Variants in PTTG1IP observed in about 807,000 individuals in gnomAD.
The protein encoded by PTTG1IP is PTTG1 interacting protein, also known as pituitary tumor-transforming gene 1 protein-interacting protein.
PTTG1IP carries 16 observed loss-of-function variants against 24.4 expected under a neutral mutation model. The observed-to-expected ratio is 0.66, with a 90% CI of 0.44 to 1.00. PTTG1IP has a LOEUF of 1.00. PTTG1IP is among the 50% of genes least tolerant of loss of function. PTTG1IP has a pLI of 0.00. For missense variants in PTTG1IP, 241 were observed against 245.8 expected (o/e 0.98, Z 0.13); for synonymous variants, 89 against 96.8 (o/e 0.92, Z 0.47).
intron 5 of PTTG1IP, among the ~76,000 whole-genome samples, chr21:44,853,886 C>A (rs1156764355): frequency 6.6e-6 from 1 of 152,236 alleles, no homozygotes; most frequent in Non-Finnish European, 1.5e-5. Context: ...GCAGCCAAGG[C>A]AGCCTCACGC....
chr21:44,859,420 C>T (rs1266956932), intron 3 of PTTG1IP, among the ~76,000 whole-genome samples: 2 of 151,380 alleles, frequency 1.3e-5, no homozygotes, highest in Admixed American at 6.6e-5. Flanking sequence ...AGGCTATAAG[C>T]CGCGGTCCAT....
intron 2 of PTTG1IP, among the ~76,000 whole-genome samples, chr21:44,862,378 G>C (rs943016960): frequency 6.6e-6 from 1 of 152,204 alleles, no homozygotes. Flanking sequence ...AATAAGCCGG[G>C]CGTGGTGGCA....
At chr21:44,861,392 C>A in intron 2 of PTTG1IP, 121 bp from the exon 3 acceptor site, 1 of 813,838 alleles carries the variant, frequency 1.2e-6, no homozygotes. Context: ...AAGGCTCAAC[C>A]TCCCCCTCAA....
At chr21:44,861,936 G>C (rs766789022) in intron 2 of PTTG1IP, 24 of 692,908 alleles carry the variant, frequency 3.5e-5, no homozygotes, top group African/African-American at 5.3e-5. Flanking sequence ...ACTGCACTAA[G>C]TCGCACAGCT....
rs2083407055 is a variant in PTTG1IP, at chr21:44,851,123, G to A, written c.*458C>T. The A allele has an allele frequency of 1.0e-5, 5 of 486,254 alleles. No individual in the cohort carries two copies. The highest frequency in any genetic ancestry group is 1.5e-5 in the Non-Finnish European group (4 of 273,704). The allele number at this position is 486,254 out of a possible 1,614,324, so 30.1% of individuals were successfully genotyped here. On this transcript the variant is annotated 3_prime_UTR_variant, in exon 6 of 6. Transcript: ENST00000330938. ...CAAGATGCGCACACAGACGCTGTCCGTGGTTTTATGGGGAATGATGAGGGC... is the reference window on the plus strand; with the variant it reads ...CAAGATGCGCACACAGACGCTGTCCATGGTTTTATGGGGAATGATGAGGGC...
intron 3 of PTTG1IP, 29 bp downstream of exon 3, chr21:44,861,134 G>C: frequency 5.1e-6 from 8 of 1,576,890 alleles, no homozygotes; most frequent in Non-Finnish European, 6.1e-6. Context: ...CATCGATTTT[G>C]CAAGCAGCAA....
At chr21:44,860,430 G>T (rs149273620) in intron 3 of PTTG1IP, among the ~76,000 whole-genome samples, 1 of 150,242 alleles carries the variant, frequency 6.7e-6, no homozygotes, top group East Asian at 2.0e-4. Context: ...ATTTAAAAAC[G>T]CCTCCAAAAT....
rs1444673682 is a variant in PTTG1IP, at chr21:44,861,226, T to A, written c.214A>T (p.Thr72Ser). ...AGGGAAGCCGGTGGCAAGACGCTTGTAACTGGGTAGTCCAGACAAGCCTTG... is the reference window on the plus strand; with the variant it reads ...AGGGAAGCCGGTGGCAAGACGCTTGAAACTGGGTAGTCCAGACAAGCCTTG... Reference protein sequence around the residue: ...TNKACLDYPVTSVLPPASLCK... With the variant: ...TNKACLDYPVSSVLPPASLCK... The change falls in exon 3 of 6, where the codon ACA (threonine) becomes TCA (serine). Residue 72 changes from threonine to serine, a missense_variant. Physicochemically the swap from Thr to Ser is moderately conservative, Grantham distance 58 (BLOSUM62 1). Coordinates refer to ENST00000330938, the MANE Select transcript of PTTG1IP (RefSeq NM_004339.4). 6.2e-7 allele frequency: 1 copy of A among 1,613,964 alleles called. No individual in the cohort carries two copies. The highest frequency in any genetic ancestry group is 8.5e-7 in the Non-Finnish European group (1 of 1,179,932).
chr21:44,861,856 T>G, intron 2 of PTTG1IP: 1 of 717,362 alleles, frequency 1.4e-6, no homozygotes, highest in Non-Finnish European at 2.6e-6. Context: ...TGAGTTTGTG[T>G]TGAATGGACT....
At chr21:44,872,560 T>G (rs1312447249) in intron 1 of PTTG1IP, among the ~76,000 whole-genome samples, 1 of 152,182 alleles carries the variant, frequency 6.6e-6, no homozygotes, top group Non-Finnish European at 1.5e-5. Flanking sequence ...CATGACATTG[T>G]GAAACAGGTC....
At chr21:44,857,248 G>A (rs531429579) in intron 3 of PTTG1IP, among the ~76,000 whole-genome samples, 108 of 152,302 alleles carry the variant, frequency 7.1e-4, no homozygotes, top group African/African-American at 2.4e-3. Flanking sequence ...AGGCCAAATC[G>A]GGAGGATTGC....
In PTTG1IP at chr21:44,855,160, C is replaced by G. The variant is rs368241467; in HGVS notation, c.496+50G>C. Reference sequence around the variant, plus strand: ...CTGGCACTAACGAGGACCGAGACAGCGTGCCATCGCCTCCCAACCAGACAA... The same window carrying G: ...CTGGCACTAACGAGGACCGAGACAGGGTGCCATCGCCTCCCAACCAGACAA... On this transcript the variant is annotated intron_variant, in intron 5 of 5. Coordinates refer to ENST00000330938, the MANE Select transcript of PTTG1IP (RefSeq NM_004339.4). The G allele has an allele frequency of 3.6e-4, 558 of 1,542,082 alleles. 3 individuals carry two copies. The highest frequency in any genetic ancestry group is 9.4e-5 in the Non-Finnish European group (105 of 1,115,410).
intron 1 of PTTG1IP, among the ~76,000 whole-genome samples, chr21:44,872,081 A>G (rs761226416): frequency 1.3e-5 from 2 of 152,208 alleles, no homozygotes; most frequent in Non-Finnish European, 2.9e-5. Flanking sequence ...CCGCTTTCAC[A>G]ATGCAAGCAA....
At chr21:44,865,656 G>A in intron 1 of PTTG1IP, 4 of 623,388 alleles carry the variant, frequency 6.4e-6, no homozygotes, top group South Asian at 1.9e-5. Context: ...CCCCGCTGCA[G>A]GCAGGGCACA....
In PTTG1IP at chr21:44,851,374, C is replaced by A; in HGVS notation, c.*207G>T. On this transcript the variant is annotated 3_prime_UTR_variant, in exon 6 of 6. Transcript: ENST00000330938. Reference sequence around the variant, plus strand: ...TATTTCAAGTGACTAAATCTAGAAACAGAGATGAACAGGGAATAGAAGGTC... The same window carrying A: ...TATTTCAAGTGACTAAATCTAGAAAAAGAGATGAACAGGGAATAGAAGGTC... 6.6e-7 allele frequency: 1 copy of A among 1,518,082 alleles called. No homozygotes were observed. Among genetic ancestry groups the A allele is most frequent in the Non-Finnish European group, 8.9e-7 (1 of 1,129,390 alleles). The allele number at this position is 1,518,082 out of a possible 1,614,324, so 94.0% of individuals were successfully genotyped here.
intron 2 of PTTG1IP, 124 bp from the exon 3 acceptor site, chr21:44,861,395 C>T: frequency 1.3e-6 from 1 of 754,992 alleles, no homozygotes; most frequent in Non-Finnish European, 2.2e-6. Flanking sequence ...GCTCAACCTC[C>T]CCCTCAACGC....
chr21:44,856,476 G>A (rs2083450643), intron 3 of PTTG1IP, 112 bp from the exon 4 acceptor site: 7 of 1,239,288 alleles, frequency 5.6e-6, no homozygotes, highest in Non-Finnish European at 7.7e-6. Flanking sequence ...GCATAAGGAG[G>A]AAAGCCGCCT....
At chr21:44,857,796 T>A (rs958039195) in intron 3 of PTTG1IP, among the ~76,000 whole-genome samples, 4 of 152,244 alleles carry the variant, frequency 2.6e-5, no homozygotes, top group African/African-American at 9.6e-5. Context: ...GGAGGTTACA[T>A]CTGATCAAAT....
chr21:44,868,501 C>T (rs558663735), intron 1 of PTTG1IP, among the ~76,000 whole-genome samples: 1 of 152,278 alleles, frequency 6.6e-6, no homozygotes, highest in African/African-American at 2.4e-5. Flanking sequence ...GAAGTGAACA[C>T]ATGAGCCACA....
Sources: allele counts gnomAD v4.1 joint callset (sites outside exome capture counted in the v4.1 genomes callset), GRCh38; gene constraint gnomAD v4.1.1; transcripts MANE v1.5; gene names NCBI Gene and HGNC (gene_info 2026-07-23, HGNC 2026-07-21).